PDS5A: variants seen among roughly 807,000 people sequenced by gnomAD.
PDS5A encodes the protein PDS5 cohesin associated factor A.
PDS5A carries 42 observed loss-of-function variants against 167.1 expected under a neutral mutation model. The observed-to-expected ratio is 0.25, with a 90% confidence interval of 0.20 to 0.33. PDS5A has a LOEUF of 0.33. Among genes scored for constraint, PDS5A ranks in the 10% least tolerant of loss-of-function variants. PDS5A has a pLI of 1.00. For synonymous variants in PDS5A, 553 were observed against 554.6 expected, an observed-to-expected ratio of 1.00 and a Z score of 0.04; for missense variants, 1,033 against 1,605.9, an observed-to-expected ratio of 0.64 and a Z score of 6.10.
chr4:39,838,757 C>T (rs559578603), intron 31 of PDS5A, among the ~76,000 whole-genome samples: 6 of 152,178 alleles, frequency 3.9e-5, no homozygotes, highest in African/African-American at 4.8e-5. Context: ...CGGTGCCTCA[C>T]GCCTGTAATC....
intron 32 of PDS5A, among the ~76,000 whole-genome samples, chr4:39,831,863 C>T (rs563750136): frequency 2.5e-5 from 2 of 80,054 alleles, no homozygotes; most frequent in African/African-American, 4.9e-5. Flanking sequence ...GCAACAAGAG[C>T]GAAACTCGTC....
intron 16 of PDS5A, chr4:39,898,135 A>C: frequency 8.4e-7 from 1 of 1,191,712 alleles, no homozygotes; most frequent in African/African-American, 1.6e-5. Flanking sequence ...ATGTCTACTA[A>C]GTTCAAAGTA....
At position 39,973,196 on chromosome 4, in the gene PDS5A, G is replaced by T. The variant is rs370272315; in HGVS notation, c.138+3244C>A. The T allele has an allele frequency of 1.7e-5, 21 of 1,220,016 alleles. No homozygotes were observed. In the South Asian group the frequency reaches 2.2e-4, roughly 13 times the overall value. The allele number at this position is 1,220,016 out of a possible 1,614,324, so 75.6% of individuals were successfully genotyped here. The stretch of plus-strand genomic sequence containing the variant: ...GTAGCCTCTTTAGCTTGGTGGGCTT[G>T]TAATATAGCTAGCTTCATGAACCTT... On this transcript the variant is annotated intron_variant, in intron 2 of 32. Coordinates refer to ENST00000303538, the MANE Select transcript of PDS5A (RefSeq NM_001100399.2).
chr4:39,849,283 T>G (rs1717907457), intron 27 of PDS5A, among the ~76,000 whole-genome samples: 1 of 152,206 alleles, frequency 6.6e-6, no homozygotes, highest in Non-Finnish European at 1.5e-5. Context: ...ACCATAGTTG[T>G]ACATTTTATT....
intron 11 of PDS5A, among the ~76,000 whole-genome samples, chr4:39,906,008 TAA>T (rs3070902): frequency 0.076 from 11,076 of 146,342 alleles, 452 homozygotes; most frequent in Middle Eastern, 0.14. Context: ...GGAGATGAAG[TAA>T]AAAAAAAAAA....
chr4:39,963,428 C>A (rs1729684855), intron 2 of PDS5A, among the ~76,000 whole-genome samples: 1 of 151,998 alleles, frequency 6.6e-6, no homozygotes, highest in African/African-American at 2.4e-5. Flanking sequence ...CACTGCACTT[C>A]AGCCTGGGCA....
intron 20 of PDS5A, 32 bp downstream of exon 20, chr4:39,874,257 C>A: frequency 6.4e-7 from 1 of 1,568,126 alleles, no homozygotes; most frequent in Non-Finnish European, 8.7e-7. Flanking sequence ...AAATAAAGAC[C>A]AATATAAACA....
intron 2 of PDS5A, among the ~76,000 whole-genome samples, chr4:39,941,522 T>C (rs532883692): frequency 1.6e-4 from 24 of 152,362 alleles, no homozygotes; most frequent in Admixed American, 3.9e-4. Flanking sequence ...ATTTGTAACA[T>C]AGCCCTTTTA....
intron 2 of PDS5A, among the ~76,000 whole-genome samples, chr4:39,945,035 G>A (rs1290446625): frequency 1.3e-5 from 2 of 151,992 alleles, no homozygotes; most frequent in Admixed American, 6.6e-5. Flanking sequence ...TATGCGTCAG[G>A]TACATTTCAA....
At chr4:39,949,643 C>T (rs1728139312) in intron 2 of PDS5A, among the ~76,000 whole-genome samples, 5 of 151,162 alleles carry the variant, frequency 3.3e-5, no homozygotes, top group Non-Finnish European at 1.5e-5. Context: ...CCGGACTGGG[C>T]AACAGGTGAA....
intron 2 of PDS5A, among the ~76,000 whole-genome samples, chr4:39,937,044 CTG>C (rs1167295028): frequency 6.6e-6 from 1 of 152,194 alleles, no homozygotes; most frequent in Non-Finnish European, 1.5e-5. Flanking sequence ...CAGCATATCA[CTG>C]TGTTCACCAA....
chr4:39,963,554 A>G (rs1349311665), intron 2 of PDS5A, among the ~76,000 whole-genome samples: 2 of 152,198 alleles, frequency 1.3e-5, no homozygotes, highest in African/African-American at 2.4e-5. Context: ...GCCAGTGGAA[A>G]TAAACGGTTG....
In PDS5A at chr4:39,870,004, G is replaced by A. The variant is rs149505644; in HGVS notation, c.2437-542C>T. ...CATGCCTGTAGTCTCAGCTACTCGG[G>A]AGGCTGAGGCTGGAGAACTGCTTGA... On this transcript the variant is annotated intron_variant, in intron 21 of 32. Transcript: ENST00000303538. Among the ~76,000 whole-genome samples, 873 of 152,230 alleles carry A rather than the reference G, an allele frequency of 5.7e-3. 11 individuals carry two copies. Among genetic ancestry groups the A allele is most frequent in the African/African-American group, 0.02 (839 of 41,536 alleles).
chr4:39,973,472 T>C (rs982166848), intron 2 of PDS5A: 1 of 1,340,920 alleles, frequency 7.5e-7, no homozygotes, highest in Non-Finnish European at 1.1e-6. Context: ...AATATTTACG[T>C]GAAAAATCTT....
chr4:39,926,876 A>C lies in PDS5A; in HGVS notation c.343-15T>G, dbSNP rs1725523606. On this transcript the variant is annotated splice_polypyrimidine_tract_variant and intron_variant, in intron 3 of 32. Coordinates refer to ENST00000303538, the MANE Select transcript of PDS5A (RefSeq NM_001100399.2). ...AAAAATATGTCCTGTTAAAAAAAAA[A>C]ACACATTAATTTAGACACAAATACT... The C allele has an allele frequency of 2.1e-6, 3 of 1,404,336 alleles. No homozygotes were observed. The highest frequency in any genetic ancestry group is 1.5e-5 in the African/African-American group (1 of 66,922). 87.0% of individuals were successfully genotyped at this position (1,404,336 alleles called of 1,614,324 possible).
At chr4:39,941,720 T>C (rs1645884363) in intron 2 of PDS5A, among the ~76,000 whole-genome samples, 2 of 152,184 alleles carry the variant, frequency 1.3e-5, no homozygotes, top group Admixed American at 1.3e-4. Flanking sequence ...TATCACATCA[T>C]TATTATGCCT....
intron 32 of PDS5A, 32 bp from the exon 33 acceptor site, chr4:39,825,520 A>G (rs930999010): frequency 1.3e-6 from 2 of 1,534,348 alleles, no homozygotes. Context: ...CAAAGTTAGA[A>G]AAGATGTGGA....
At chr4:39,882,054 G>A (rs1040603965) in intron 17 of PDS5A, among the ~76,000 whole-genome samples, 12 of 152,074 alleles carry the variant, frequency 7.9e-5, no homozygotes, top group Admixed American at 2.0e-4. Flanking sequence ...CCCCAACCAC[G>A]TGGAACTGCA....
At chr4:39,889,529 A>G (rs972268423) in intron 17 of PDS5A, among the ~76,000 whole-genome samples, 2 of 152,256 alleles carry the variant, frequency 1.3e-5, no homozygotes, top group Admixed American at 6.5e-5. Flanking sequence ...CAAGTGCTGC[A>G]TAGTAACTGA....
Sources: gnomAD v4.1 joint callset for allele counts (sites outside exome capture counted in the v4.1 genomes callset) on GRCh38, gnomAD v4.1.1 for gene constraint, MANE v1.5 for transcripts, NCBI Gene and HGNC (gene_info 2026-07-23, HGNC 2026-07-21) for gene names.